The following PLB1 variants were observed in gnomAD, a reference collection of about 807,000 sequenced individuals.
PLB1 encodes phospholipase B1, membrane-associated.
In PLB1, 242 loss-of-function variants were observed where a neutral mutation model predicts 227.4. That is an observed-to-expected ratio of 1.06 (90% CI 0.96 to 1.18). The LOEUF is 1.18. Among genes scored for constraint, PLB1 ranks in the 50% most tolerant of loss-of-function variants. The pLI is 0.00. For missense variants in PLB1, 1,858 were observed against 1,816.3 expected (o/e 1.02, Z -0.42); for synonymous variants, 757 against 682.2 (o/e 1.11, Z -1.71).
intron 29 of PLB1, 34 bp downstream of exon 29, chr2:28,590,110 C>G: frequency 6.5e-7 from 1 of 1,546,926 alleles, no homozygotes; most frequent in South Asian, 1.1e-5. Context: ...CAGGCTCCGG[C>G]TGCACTGGGC....
rs1197110584 is a variant in PLB1, at chr2:28,581,510, T to A, written c.1567-558T>A. ...AAAAATAAATAAATAAATAAATAAA[T>A]AAATAAATAAATAAATAAATAAATA... On this transcript the variant is annotated intron_variant, in intron 23 of 57. Transcript: ENST00000327757. 3.3e-3 allele frequency among the ~76,000 whole-genome samples: 447 copies of A among 136,908 alleles called. 7 individuals are homozygous for A. The highest frequency in any genetic ancestry group is 0.011 in the Middle Eastern group (3 of 282). 89.8% of individuals were successfully genotyped at this position (136,908 alleles called of 152,430 possible).
intron 25 of PLB1, among the ~76,000 whole-genome samples, chr2:28,584,410 A>G (rs1680559419): frequency 6.6e-6 from 1 of 152,130 alleles, no homozygotes; most frequent in African/African-American, 2.4e-5. Context: ...CAGGCATGCT[A>G]TTTCCAACTG....
chr2:28,597,093 C>T (rs532720678), intron 33 of PLB1, among the ~76,000 whole-genome samples: 2 of 152,132 alleles, frequency 1.3e-5, no homozygotes, highest in South Asian at 4.2e-4. Context: ...GGAACCCCAT[C>T]TCTACTAAAA....
chr2:28,519,506 C>T (rs1036311815), intron 3 of PLB1, among the ~76,000 whole-genome samples, 199 bp from the exon 4 acceptor site: 2 of 152,194 alleles, frequency 1.3e-5, no homozygotes, highest in Admixed American at 6.5e-5. Context: ...CAGAGGGGAG[C>T]GGGTGTCTTT....
intron 17 of PLB1, among the ~76,000 whole-genome samples, chr2:28,555,462 G>A (rs1390550474): frequency 6.6e-6 from 1 of 152,064 alleles, no homozygotes; most frequent in Non-Finnish European, 1.5e-5. Flanking sequence ...GATCTTGACT[G>A]AACATTCTAA....
intron 4 of PLB1, 129 bp from the exon 5 acceptor site, chr2:28,525,135 GCCA>G: frequency 1.3e-6 from 1 of 754,914 alleles, no homozygotes; most frequent in Non-Finnish European, 2.2e-6. Flanking sequence ...ACAGGTGTGA[GCCA>G]CCAAGCCTGG....
chr2:28,639,575 G>C (rs144945622), intron 56 of PLB1, among the ~76,000 whole-genome samples: 1 of 152,188 alleles, frequency 6.6e-6, no homozygotes, highest in African/African-American at 2.4e-5. Flanking sequence ...GGGAGATGTC[G>C]GAGCAGGTTG....
rs1196211597 is a variant in PLB1 at position 28,541,814 on chromosome 2, A to G, written c.879+3A>G. The G allele has an allele frequency of 1.2e-6, 2 of 1,606,058 alleles. No homozygotes were observed. Among genetic ancestry groups the G allele is most frequent in the Non-Finnish European group, 1.7e-6 (2 of 1,172,888 alleles). ...AGACCACCCCATCTCTACACTCGGT[A>G]AGTGGGGGCTGCATGGCGTATCAAG... On this transcript the variant is annotated splice_donor_region_variant and intron_variant, in intron 13 of 57. Transcript: ENST00000327757.
chr2:28,552,983 C>A lies in PLB1; in HGVS notation c.1139C>A (p.Pro380His), dbSNP rs375242549. 17 of 1,613,530 alleles carry A rather than the reference C, an allele frequency of 1.1e-5. No individual in the cohort carries two copies. The African/African-American group carries it at 2.3e-4, about 22-fold the overall frequency. The change falls in exon 17 of 58, where the codon CCC (proline) becomes CAC (histidine). Residue 380 changes from proline (P) to histidine (H), a missense_variant. Physicochemically the swap from Pro to His is moderately conservative, Grantham distance 77. Transcript: ENST00000327757. ...CPDKDPSDTV[P>H]TSVHRLKPAD... ...GACAAAGACCCCTCCGATACGGTTC[C>A]CACCTCAGGTACACAGCTTGCACCC... is the stretch of plus-strand genomic sequence containing the variant.
chr2:28,617,084 G>A (rs1686299022), intron 44 of PLB1, among the ~76,000 whole-genome samples: 1 of 152,102 alleles, frequency 6.6e-6, no homozygotes, highest in South Asian at 2.1e-4. Context: ...TGGAAAATAT[G>A]TTCTGTATTA....
chr2:28,617,848 G>A (rs910937907), intron 45 of PLB1, 61 bp downstream of exon 45: 9 of 1,504,690 alleles, frequency 6.0e-6, no homozygotes, highest in African/African-American at 1.4e-5. Context: ...AGGTTGTGGG[G>A]AGACCCTGCA....
At chr2:28,634,599 TTTC>T (rs1423634428) in intron 56 of PLB1, among the ~76,000 whole-genome samples, 1 of 152,160 alleles carries the variant, frequency 6.6e-6, no homozygotes, top group Non-Finnish European at 1.5e-5. Flanking sequence ...ATTGGTTTCT[TTTC>T]TTGTGAATTA....
chr2:28,546,530 G>A lies in PLB1; in HGVS notation c.937-2330G>A, dbSNP rs189120378. Among the ~76,000 whole-genome samples, 1,172 of 152,252 alleles carry A rather than the reference G, an allele frequency of 7.7e-3. 51 individuals carry two copies. The highest frequency in any genetic ancestry group is 0.07 in the Admixed American group (1,063 of 15,288). ...TGGGGTGGAAGCCCAGACCAGCCCC[G>A]GTTGTCCCTGGAGTAAATAGCACAT... On this transcript the variant is annotated intron_variant, in intron 14 of 57. Coordinates refer to ENST00000327757, the MANE Select transcript of PLB1 (RefSeq NM_153021.5).
intron 31 of PLB1, 38 bp downstream of exon 31, chr2:28,591,798 C>T (rs751427183): frequency 1.3e-6 from 2 of 1,592,090 alleles, no homozygotes; most frequent in Non-Finnish European, 1.7e-6. Context: ...CAGGGCCCCT[C>T]CACAGGGGCT....
At chr2:28,553,046 A>AAGT (rs1674500451) in intron 17 of PLB1, 55 bp downstream of exon 17, 1 of 1,476,578 alleles carries the variant, frequency 6.8e-7, no homozygotes, top group South Asian at 1.1e-5. Context: ...GAAATCATCC[A>AAGT]AGTAAGGGCT....
At chr2:28,532,254 T>A (rs1255727779) in intron 9 of PLB1, 60 bp downstream of exon 9, 3 of 1,374,800 alleles carry the variant, frequency 2.2e-6, no homozygotes, top group East Asian at 4.8e-5. Context: ...GGGAGTGAAC[T>A]AAACCTGCCT....
At chr2:28,523,613 C>G (rs1669840973) in intron 4 of PLB1, among the ~76,000 whole-genome samples, 1 of 152,144 alleles carries the variant, frequency 6.6e-6, no homozygotes, top group Non-Finnish European at 1.5e-5. Flanking sequence ...TTCCCCCAAC[C>G]CCCTCTCCTG....
At chr2:28,638,283 A>G (rs1420212354) in intron 56 of PLB1, among the ~76,000 whole-genome samples, 1 of 151,998 alleles carries the variant, frequency 6.6e-6, no homozygotes, top group Non-Finnish European at 1.5e-5. Flanking sequence ...TGAGAAGCGC[A>G]TGTCAAGGGG....
chr2:28,622,455 G>A (rs1403489796), intron 49 of PLB1, among the ~76,000 whole-genome samples: 3 of 152,188 alleles, frequency 2.0e-5, no homozygotes, highest in African/African-American at 7.2e-5. Context: ...CAAAAAAGCA[G>A]TACAGTACAA....
Sources: allele counts gnomAD v4.1 joint callset (sites outside exome capture counted in the v4.1 genomes callset), GRCh38; gene constraint gnomAD v4.1.1; transcripts MANE v1.5; gene names NCBI Gene and HGNC (gene_info 2026-07-23, HGNC 2026-07-21).